Variants in CHL1 observed in about 807,000 individuals in gnomAD.
CHL1 encodes cell adhesion molecule L1 like, also known as neural cell adhesion molecule L1-like protein.
A neutral mutation model predicts 141.9 loss-of-function variants in CHL1; 96 were observed. That is an observed-to-expected ratio of 0.68 (90% CI 0.57 to 0.80). CHL1 has a LOEUF of 0.80. CHL1 is among the 30% of genes least tolerant of loss of function. The pLI is 0.00. For missense variants in CHL1, 1,820 were observed against 1,457.2 expected, an observed-to-expected ratio of 1.25 and a Z score of -4.05; for synonymous variants, 613 against 502.2, an observed-to-expected ratio of 1.22 and a Z score of -2.95.
In CHL1 at chr3:340,779, G is replaced by T. The variant is rs764136305; in HGVS notation, c.386-15G>T. The T allele has an allele frequency of 3.1e-6, 5 of 1,591,122 alleles. No individual in the cohort carries two copies. The highest frequency in any genetic ancestry group is 1.3e-5 in the African/African-American group (1 of 74,126). ...TAATTTTAAAATAACACATTAAAAT[G>T]ATTTTTTACACCAGGTGTTCCAAAA... is the stretch of plus-strand genomic sequence containing the variant. On this transcript the variant is annotated splice_polypyrimidine_tract_variant and intron_variant, in intron 5 of 27. Transcript: ENST00000256509.
At chr3:357,387 A>C (rs9853135) in intron 11 of CHL1, among the ~76,000 whole-genome samples, 3,259 of 152,326 alleles carry the variant, frequency 0.021, 124 homozygotes, top group African/African-American at 0.075. Context: ...TGATTATCGG[A>C]CTAACCCTTT....
chr3:299,040 G>A (rs1698467257), intron 2 of CHL1, among the ~76,000 whole-genome samples: 1 of 152,136 alleles, frequency 6.6e-6, no homozygotes, highest in Admixed American at 6.6e-5. Context: ...ATTTGTACAA[G>A]TTTTGAGTAT....
At chr3:343,131 A>G in intron 8 of CHL1, 100 bp downstream of exon 8, 3 of 875,256 alleles carry the variant, frequency 3.4e-6, no homozygotes, top group Non-Finnish European at 5.2e-6. Context: ...TTATTACAAT[A>G]CTGTTATTAT....
At chr3:198,159 G>A (rs1437290290) in intron 1 of CHL1, 1 of 197,700 alleles carries the variant, frequency 5.1e-6, no homozygotes. Flanking sequence ...TGGGCGGGAA[G>A]GCGGGCGGGG....
At position 328,230 on chromosome 3, in the gene CHL1, C is replaced by T; in HGVS notation, c.261C>T (p.Asn87=). 1 of 1,611,730 alleles carries T rather than the reference C, an allele frequency of 6.2e-7. No individual in the cohort carries two copies. The highest frequency in any genetic ancestry group is 8.5e-7 in the Non-Finnish European group (1 of 1,178,584). Reference sequence around the variant, plus strand: ...CTGACCATCGGATAATTCCATCGAACAATTCAGGAACATTCAGGATCCCAA... The same window carrying T: ...CTGACCATCGGATAATTCCATCGAATAATTCAGGAACATTCAGGATCCCAA... ...YFTDHRIIPS[N]NSGTFRIPNE... The change falls in exon 5 of 28, where the codon AAC becomes AAT. Residue 87 remains asparagine (N), a synonymous_variant. Coordinates refer to ENST00000256509, the MANE Select transcript of CHL1 (RefSeq NM_006614.4).
At chr3:266,347 C>T (rs1420973599) in intron 2 of CHL1, among the ~76,000 whole-genome samples, 2 of 152,046 alleles carry the variant, frequency 1.3e-5, no homozygotes, top group Admixed American at 6.5e-5. Flanking sequence ...ACAAGGAAAG[C>T]GATACAATTT....
At chr3:364,285 T>TA (rs1327879164) in intron 14 of CHL1, among the ~76,000 whole-genome samples, 5 of 152,320 alleles carry the variant, frequency 3.3e-5, no homozygotes, top group African/African-American at 1.2e-4. Flanking sequence ...AGCACTCAAA[T>TA]ACTCTCCCAC....
chr3:202,620 G>A (rs1367721831), intron 1 of CHL1, among the ~76,000 whole-genome samples: 1 of 152,072 alleles, frequency 6.6e-6, no homozygotes, highest in Non-Finnish European at 1.5e-5. Context: ...ACCAATATTG[G>A]TTAAGAACCA....
intron 2 of CHL1, among the ~76,000 whole-genome samples, chr3:250,911 C>G (rs1445866209): frequency 1.3e-5 from 2 of 152,074 alleles, no homozygotes; most frequent in African/African-American, 4.8e-5. Context: ...GGCATTTATT[C>G]AACGATTGTT....
intron 1 of CHL1, among the ~76,000 whole-genome samples, chr3:200,962 AT>A (rs929739626): frequency 7.2e-5 from 11 of 152,208 alleles, no homozygotes; most frequent in African/African-American, 2.4e-4. Context: ...TAGTTAGTTA[AT>A]TATAGCTTTC....
chr3:289,606 T>A (rs1055473553), intron 2 of CHL1, among the ~76,000 whole-genome samples: 3 of 152,178 alleles, frequency 2.0e-5, no homozygotes, highest in African/African-American at 7.2e-5. Flanking sequence ...TCTGGCCACA[T>A]TTTTGTCAAT....
At chr3:309,777 A>C (rs1392415285) in intron 2 of CHL1, among the ~76,000 whole-genome samples, 1 of 152,194 alleles carries the variant, frequency 6.6e-6, no homozygotes, top group Non-Finnish European at 1.5e-5. Flanking sequence ...AGTTTCTCAA[A>C]GTGCTAGGAA....
chr3:212,271 A>G (rs907872943), intron 1 of CHL1, among the ~76,000 whole-genome samples: 8 of 152,098 alleles, frequency 5.3e-5, no homozygotes, highest in Admixed American at 5.2e-4. Flanking sequence ...CTATTTTTAT[A>G]TAGCATAATA....
In CHL1 at chr3:242,398, C is replaced by A. The variant is rs565945129; in HGVS notation, c.-174-2215C>A. 3.1e-4 allele frequency among the ~76,000 whole-genome samples: 44 copies of A among 141,356 alleles called. No homozygotes were observed. In the South Asian group the frequency reaches 5.1e-3, roughly 17 times the overall value. The allele number at this position is 141,356 out of a possible 152,430, so 92.7% of individuals were successfully genotyped here. ...GATCACGAGGTCAGGAGATCGAGAC[C>A]ATCCTGGCTAACACGGTGAAACCCC... is the stretch of plus-strand genomic sequence containing the variant. On this transcript the variant is annotated intron_variant, in intron 1 of 27. Transcript: ENST00000256509.
chr3:244,302 G>A (rs544196482), intron 1 of CHL1, among the ~76,000 whole-genome samples: 1 of 152,288 alleles, frequency 6.6e-6, no homozygotes, highest in East Asian at 1.9e-4. Context: ...TACAGTTGTG[G>A]TCTGTTGCAA....
chr3:285,239 A>T (rs181850325), intron 2 of CHL1, among the ~76,000 whole-genome samples: 211 of 152,344 alleles, frequency 1.4e-3, no homozygotes, highest in Non-Finnish European at 2.4e-3. Flanking sequence ...TAAAGGGAAG[A>T]GATGAATTAC....
intron 11 of CHL1, among the ~76,000 whole-genome samples, chr3:359,509 G>T (rs1002754784): frequency 6.6e-6 from 1 of 151,996 alleles, no homozygotes; most frequent in Non-Finnish European, 1.5e-5. Context: ...TGCCGTGTTG[G>T]CTAGGCTGGT....
At chr3:349,194 A>G (rs1703029053) in intron 9 of CHL1, among the ~76,000 whole-genome samples, 165 bp from the exon 10 acceptor site, 1 of 152,146 alleles carries the variant, frequency 6.6e-6, no homozygotes, top group African/African-American at 2.4e-5. Context: ...AGTGTTCACT[A>G]TTGTTGGTGG....
intron 2 of CHL1, among the ~76,000 whole-genome samples, chr3:245,612 A>T (rs1319026050): frequency 6.6e-6 from 1 of 152,142 alleles, no homozygotes; most frequent in Non-Finnish European, 1.5e-5. Context: ...GAGAATATGC[A>T]CTCCAGAAGA....
Sources: allele counts gnomAD v4.1 joint callset (sites outside exome capture counted in the v4.1 genomes callset), GRCh38; gene constraint gnomAD v4.1.1; transcripts MANE v1.5; gene names NCBI Gene and HGNC (gene_info 2026-07-23, HGNC 2026-07-21).